Variants in NAALADL2 observed in about 807,000 individuals in gnomAD.
The protein encoded by NAALADL2 is N-acetylated alpha-linked acidic dipeptidase like 2.
In NAALADL2, 76 loss-of-function variants were observed where a neutral mutation model predicts 87.2. The ratio of observed to expected loss-of-function variants is 0.87; its 90% CI spans 0.72 to 1.05. The LOEUF (loss-of-function observed/expected upper bound fraction) is 1.05. Among genes scored for constraint, NAALADL2 ranks in the 50% least tolerant of loss-of-function variants. NAALADL2 has a pLI of 0.00. For missense variants in NAALADL2, 1,089 were observed against 945.8 expected (o/e 1.15, Z -1.99); for synonymous variants, 354 against 331.0 (o/e 1.07, Z -0.75).
intron 1 of NAALADL2, among the ~76,000 whole-genome samples, chr3:174,895,813 G>C (rs748839259): frequency 3.3e-5 from 5 of 151,998 alleles, no homozygotes; most frequent in Non-Finnish European, 7.4e-5. Context: ...AATACAACCT[G>C]AATTCAGCAA....
chr3:174,875,283 ATTAT>A (rs141855831), intron 1 of NAALADL2, among the ~76,000 whole-genome samples: 4,945 of 152,170 alleles, frequency 0.032, 149 homozygotes, highest in African/African-American at 0.08. Flanking sequence ...ATGTCATTGC[ATTAT>A]TTATTTATTT....
chr3:174,899,454 T>C (rs2109850272), intron 1 of NAALADL2, among the ~76,000 whole-genome samples: 1 of 152,266 alleles, frequency 6.6e-6, no homozygotes, highest in South Asian at 2.1e-4. Context: ...GGTGGTGTCC[T>C]CCAGGTAGTA....
chr3:175,416,342 A>G lies in NAALADL2; in HGVS notation c.1091-30887A>G, dbSNP rs555337847. On this transcript the variant is annotated intron_variant, in intron 5 of 13. Coordinates refer to ENST00000454872, the MANE Select transcript of NAALADL2 (RefSeq NM_207015.3). ...AGTACAGAGTTATTTTTATAAAGGT[A>G]AGCACTAGTTTTTTAATTGGATATA... 3.9e-5 allele frequency among the ~76,000 whole-genome samples: 6 copies of G among 152,290 alleles called. No individual in the cohort carries two copies. The South Asian group carries it at 1.0e-3, about 26-fold the overall frequency.
chr3:175,378,578 C>A (rs941129590), intron 5 of NAALADL2, among the ~76,000 whole-genome samples: 1 of 152,152 alleles, frequency 6.6e-6, no homozygotes, highest in Non-Finnish European at 1.5e-5. Flanking sequence ...CACCCTTATG[C>A]AAATTTCTGG....
chr3:175,322,944 T>C (rs1188845858), intron 4 of NAALADL2, among the ~76,000 whole-genome samples: 3 of 151,702 alleles, frequency 2.0e-5, no homozygotes, highest in South Asian at 4.2e-4. Context: ...TCCTCGGGGA[T>C]CTAGAACTAG....
intron 4 of NAALADL2, among the ~76,000 whole-genome samples, chr3:175,289,071 T>C (rs997047635): frequency 6.6e-6 from 1 of 152,190 alleles, no homozygotes; most frequent in African/African-American, 2.4e-5. Flanking sequence ...CTCTTTTGTA[T>C]GGTTTATGTA....
Position 174,909,603 on chromosome 3 carries a change from TG to T in NAALADL2, c.43+50155del, listed in dbSNP as rs1389582237. Reference sequence around the variant, plus strand: ...TGAAACATTCAAAATATGGATTGTGTGGTGGGTTAGTGCACAGACTGTGGGG... The same window carrying T: ...TGAAACATTCAAAATATGGATTGTGTGTGGGTTAGTGCACAGACTGTGGGG... On this transcript the variant is annotated intron_variant, in intron 1 of 13. Coordinates refer to ENST00000454872, the MANE Select transcript of NAALADL2 (RefSeq NM_207015.3). Among the ~76,000 whole-genome samples the T allele has an allele frequency of 2.0e-5, 3 of 152,120 alleles. No individual in the cohort carries two copies. The South Asian group carries it at 6.2e-4, about 31-fold the overall frequency.
intron 5 of NAALADL2, among the ~76,000 whole-genome samples, chr3:175,331,612 A>G (rs993545724): frequency 4.6e-5 from 7 of 152,168 alleles, no homozygotes; most frequent in African/African-American, 1.7e-4. Flanking sequence ...ATATACCTCA[A>G]TGTAATAAAG....
intron 1 of NAALADL2, among the ~76,000 whole-genome samples, chr3:175,088,196 C>T (rs2108296827): frequency 6.6e-6 from 1 of 152,126 alleles, no homozygotes; most frequent in South Asian, 2.1e-4. Flanking sequence ...TAGATTGTAG[C>T]CTAACAGTGT....
intron 1 of NAALADL2, among the ~76,000 whole-genome samples, chr3:174,545,476 C>T (rs777584844): frequency 2.0e-5 from 3 of 152,142 alleles, no homozygotes; most frequent in Admixed American, 6.5e-5. Context: ...TGTGATTGAT[C>T]GTTTGATTTA....
intron 13 of NAALADL2, among the ~76,000 whole-genome samples, chr3:175,799,887 TAAG>T (rs1753935094): frequency 6.6e-6 from 1 of 152,168 alleles, no homozygotes; most frequent in African/African-American, 2.4e-5. Context: ...GCTTTAATGT[TAAG>T]AATACTTGGA....
At chr3:174,981,133 C>T (rs1295415846) in intron 1 of NAALADL2, among the ~76,000 whole-genome samples, 1 of 151,946 alleles carries the variant, frequency 6.6e-6, no homozygotes, top group Non-Finnish European at 1.5e-5. Context: ...GTCGGTTTTC[C>T]CCCTACTCGT....
intron 2 of NAALADL2, among the ~76,000 whole-genome samples, chr3:174,578,000 G>A (rs1715729896): frequency 2.0e-5 from 3 of 151,924 alleles, no homozygotes; most frequent in South Asian, 4.1e-4. Context: ...AATTTCAGTG[G>A]ATGGGCTTAA....
chr3:175,261,762 A>G (rs1205134534), intron 4 of NAALADL2, among the ~76,000 whole-genome samples: 2 of 152,058 alleles, frequency 1.3e-5, no homozygotes, highest in East Asian at 3.9e-4. Flanking sequence ...TTGTGTATTC[A>G]TCAGATAAGA....
intron 2 of NAALADL2, among the ~76,000 whole-genome samples, chr3:175,174,141 G>A (rs1215176623): frequency 1.3e-5 from 2 of 152,114 alleles, no homozygotes; most frequent in Non-Finnish European, 1.5e-5. Context: ...ACAGCAAAAT[G>A]TAGTATAAAA....
At chr3:174,582,662 A>G (rs1292583134) in intron 2 of NAALADL2, among the ~76,000 whole-genome samples, 1 of 151,098 alleles carries the variant, frequency 6.6e-6, no homozygotes. Flanking sequence ...GCTCACTGCA[A>G]CCTCTACCTT....
chr3:175,251,415 C>G (rs928675287), intron 3 of NAALADL2, among the ~76,000 whole-genome samples: 2 of 152,192 alleles, frequency 1.3e-5, no homozygotes, highest in Non-Finnish European at 2.9e-5. Flanking sequence ...CAATTACTCT[C>G]TCTTATGTGC....
At chr3:175,114,649 C>T (rs1724792136) in intron 2 of NAALADL2, among the ~76,000 whole-genome samples, 1 of 151,580 alleles carries the variant, frequency 6.6e-6, no homozygotes, top group African/African-American at 2.4e-5. Context: ...ACTATTAAAA[C>T]TAAATGGATA....
At chr3:175,588,780 C>T (rs559127009) in intron 10 of NAALADL2, among the ~76,000 whole-genome samples, 20 of 152,074 alleles carry the variant, frequency 1.3e-4, no homozygotes, top group East Asian at 9.7e-4. Flanking sequence ...CCTCGTGATC[C>T]GCCCGCCTTG....
Sources: gnomAD v4.1 joint callset for allele counts (sites outside exome capture counted in the v4.1 genomes callset) on GRCh38, gnomAD v4.1.1 for gene constraint, MANE v1.5 for transcripts, NCBI Gene and HGNC (gene_info 2026-07-23, HGNC 2026-07-21) for gene names.